PSME4: variants seen among roughly 807,000 people sequenced by gnomAD.
PSME4 encodes the protein proteasome activator subunit 4.
Under a neutral mutation model 253.9 loss-of-function variants are expected in PSME4, and 89 were observed. The ratio of observed to expected loss-of-function variants is 0.35; its 90% CI spans 0.30 to 0.42. The LOEUF is 0.42. PSME4 is among the 10% of genes least tolerant of loss of function. PSME4 has a pLI of 1.00. For synonymous variants in PSME4, 851 were observed against 759.2 expected (o/e 1.12, Z -1.99); for missense variants, 2,014 against 2,195.2 (o/e 0.92, Z 1.65).
At chr2:53,905,171 A>G (rs1680597987) in intron 26 of PSME4, among the ~76,000 whole-genome samples, 1 of 150,918 alleles carries the variant, frequency 6.6e-6, no homozygotes, top group Non-Finnish European at 1.5e-5. Context: ...CTGGGACTAT[A>G]GGCGCATGCC....
chr2:53,964,888 T>G (rs920064309), intron 1 of PSME4, among the ~76,000 whole-genome samples: 1 of 152,232 alleles, frequency 6.6e-6, no homozygotes, highest in African/African-American at 2.4e-5. Flanking sequence ...TGCATAATAT[T>G]TGTAATAATA....
chr2:53,942,862 G>C (rs530628116), intron 3 of PSME4, among the ~76,000 whole-genome samples: 1 of 152,148 alleles, frequency 6.6e-6, no homozygotes, highest in African/African-American at 2.4e-5. Context: ...AGGGTAAAAA[G>C]AGAGTTCTTG....
chr2:53,873,023 G>T (rs805388), intron 43 of PSME4, among the ~76,000 whole-genome samples: 43,656 of 151,534 alleles, frequency 0.29, 6,667 homozygotes, highest in South Asian at 0.46. Flanking sequence ...GGCAGATCAC[G>T]AGGTCAGGAG....
At chr2:53,903,835 C>T (rs549668855) in intron 27 of PSME4, among the ~76,000 whole-genome samples, 190 bp downstream of exon 27, 16 of 151,614 alleles carry the variant, frequency 1.1e-4, no homozygotes, top group Non-Finnish European at 1.9e-4. Flanking sequence ...AAAGGTGAAT[C>T]GTGCTGATAT....
chr2:53,946,876 T>C (rs1337566224), intron 3 of PSME4, among the ~76,000 whole-genome samples: 1 of 151,378 alleles, frequency 6.6e-6, no homozygotes, highest in Non-Finnish European at 1.5e-5. Flanking sequence ...ATCTTGCCAC[T>C]GCACTCCAGC....
chr2:53,870,438 G>A lies in PSME4; in HGVS notation c.5101-900C>T, dbSNP rs1678816739. On this transcript the variant is annotated intron_variant, in intron 43 of 46. Transcript: ENST00000404125. Reference sequence around the variant, plus strand: ...ACCCAGGCTGGAGTGCAGTGGCGCAGTCTCGGCTCACTGCAAGCTTTGCCT... The same window carrying A: ...ACCCAGGCTGGAGTGCAGTGGCGCAATCTCGGCTCACTGCAAGCTTTGCCT... 8 of 145,694 alleles carry A rather than the reference G, an allele frequency of 5.5e-5. No individual in the cohort carries two copies. In the South Asian group the frequency reaches 1.5e-3, roughly 28 times the overall value. 9.0% of individuals were successfully genotyped at this position (145,694 alleles called of 1,614,324 possible). A position where few individuals can be genotyped will look rare whatever the true frequency, so the allele number is the denominator to read the frequency against.
chr2:53,888,083 C>A (rs530183098), intron 38 of PSME4, 94 bp from the exon 39 acceptor site: 72 of 1,323,974 alleles, frequency 5.4e-5, no homozygotes, highest in Non-Finnish European at 6.4e-5. Context: ...TCACTTAAAG[C>A]TTTTTCGTTT....
Position 53,901,365 on chromosome 2 carries a change from A to G in PSME4, c.3270T>C (p.Ile1090=), listed in dbSNP as rs1680390894. ...TATTGCTTACTGTGAAGTCCAAGCC[A>G]ATTGTTTCATACTGCCTATGAATCT... is the stretch of plus-strand genomic sequence containing the variant. ...AEKIHRQYET[I]GLDFTIPKSC... The change falls in exon 28 of 47, where the codon ATT becomes ATC. Residue 1090 remains isoleucine, a synonymous_variant. Transcript: ENST00000404125. 2 of 1,613,322 alleles carry G rather than the reference A, an allele frequency of 1.2e-6. No homozygotes were observed. The highest frequency in any genetic ancestry group is 2.7e-5 in the African/African-American group (2 of 75,046).
chr2:53,932,850 A>G lies in PSME4; in HGVS notation c.958-90T>C, dbSNP rs550024315. ...GCCCAAGCCTATACGTAAATCACTA[A>G]TACAGTTTATAGTCAACTTGCTGAC... On this transcript the variant is annotated intron_variant, in intron 8 of 46. Transcript: ENST00000404125. 18 of 919,672 alleles carry G rather than the reference A, an allele frequency of 2.0e-5. No individual in the cohort carries two copies. In the East Asian group the frequency reaches 4.1e-4, roughly 21 times the overall value. 57.0% of individuals were successfully genotyped at this position (919,672 alleles called of 1,614,324 possible).
intron 14 of PSME4, among the ~76,000 whole-genome samples, chr2:53,923,774 T>G (rs1325862601): frequency 1.3e-5 from 2 of 151,868 alleles, no homozygotes; most frequent in Non-Finnish European, 2.9e-5. Flanking sequence ...AATGCAAAAA[T>G]TGACCAGGCA....
chr2:53,968,738 T>G (rs929159531), intron 1 of PSME4, among the ~76,000 whole-genome samples: 12 of 152,242 alleles, frequency 7.9e-5, no homozygotes, highest in African/African-American at 2.9e-4. Context: ...ATCAGCTATC[T>G]GCAATCCAGC....
At position 53,906,836 on chromosome 2, in the gene PSME4, C is replaced by G. The variant is rs755359421; in HGVS notation, c.2817G>C (p.Leu939=). 3 of 1,613,640 alleles carry G rather than the reference C, an allele frequency of 1.9e-6. No individual in the cohort carries two copies. Among genetic ancestry groups the G allele is most frequent in the Non-Finnish European group, 2.5e-6 (3 of 1,179,802 alleles). ...LHGKKQHIRA[L]LIDRVMLQHE... is the part of the protein sequence containing the mutation. The stretch of plus-strand genomic sequence containing the variant: ...GCTGTAACATTACTCTATCAATCAA[C>G]AGTGCTCTGATATGTTGTTTTTTCC... The change falls in exon 25 of 47, where the codon CTG becomes CTC. Residue 939 remains leucine (L), a synonymous_variant. Coordinates refer to ENST00000404125, the MANE Select transcript of PSME4 (RefSeq NM_014614.3).
rs1290190574 is a variant in PSME4 at position 53,901,526 on chromosome 2, C to A, written c.3109G>T (p.Gly1037Cys). The change falls in exon 28 of 47, where the codon GGT becomes TGT. Residue 1037 changes from glycine to cysteine, a missense_variant. Physicochemically the swap from Gly to Cys is radical, Grantham distance 159. This residue lies in a region of PSME4 where 989 missense variants were observed against 1,021.1 expected (regional missense o/e 0.97). Transcript: ENST00000404125. ...ALYCLLGNHS[G>C]VCLANLHDWD... ...TCATGAAGGTTTGCCAAGCACACAC[C>A]ACTGTGATTTCCAAGGAGACAGTAC... 1 of 1,612,878 alleles carries A rather than the reference C, an allele frequency of 6.2e-7. No individual in the cohort carries two copies. The highest frequency in any genetic ancestry group is 1.3e-5 in the African/African-American group (1 of 74,850).
intron 1 of PSME4, among the ~76,000 whole-genome samples, chr2:53,960,894 G>C (rs868241497): frequency 6.6e-6 from 1 of 152,040 alleles, no homozygotes; most frequent in Non-Finnish European, 1.5e-5. Flanking sequence ...GATCACGTGA[G>C]GTGAGGAGTT....
chr2:53,970,781 C>G lies in PSME4; in HGVS notation c.4G>C (p.Glu2Gln). The change falls in exon 1 of 47, where the codon GAG becomes CAG. Residue 2 changes from glutamate to glutamine, a missense_variant. This residue lies in a region of PSME4 where 615 missense variants were observed against 594.4 expected (regional missense o/e 1.03). Transcript: ENST00000404125. MEPAERAGVGEP... is the reference protein window; with the variant it reads MQPAERAGVGEP... ...CCGACTCCCGCCCGCTCGGCCGGCT[C>G]CATGAGCCCAGGGACACCCCCCCCA... is the stretch of plus-strand genomic sequence containing the variant. 3.9e-6 allele frequency: 6 copies of G among 1,540,958 alleles called. No individual in the cohort carries two copies. The highest frequency in any genetic ancestry group is 4.4e-6 in the Non-Finnish European group (5 of 1,143,998).
intron 3 of PSME4, among the ~76,000 whole-genome samples, chr2:53,943,869 G>T (rs1254913821): frequency 2.1e-5 from 3 of 142,994 alleles, no homozygotes; most frequent in African/African-American, 7.7e-5. Flanking sequence ...AAAAAAAAAG[G>T]TATAAATAAT....
In PSME4 at chr2:53,898,352, T is replaced by C. The variant is rs1680236368; in HGVS notation, c.3425A>G (p.Asn1142Ser). The stretch of plus-strand genomic sequence containing the variant: ...CAAGGTGTCTACCAAATTTTCATAG[T>C]TCCTTTAAAAAAAAGGTGAGGTATT... ...QQEKNADALR[N>S]YENLVDTLLD... is the part of the protein sequence containing the mutation. The change falls in exon 30 of 47, where the codon AAC becomes AGC. Residue 1142 changes from asparagine to serine, a missense_variant and splice_region_variant. Transcript: ENST00000404125. 4 of 1,598,134 alleles carry C rather than the reference T, an allele frequency of 2.5e-6. No individual in the cohort carries two copies. In the South Asian group the frequency reaches 4.6e-5, roughly 18 times the overall value.
intron 20 of PSME4, among the ~76,000 whole-genome samples, chr2:53,916,810 T>A (rs1034153677): frequency 3.3e-5 from 5 of 152,094 alleles, no homozygotes; most frequent in African/African-American, 1.2e-4. Context: ...CAAAATAAAG[T>A]TTCAGCTGAA....
At chr2:53,875,814 C>A in intron 41 of PSME4, 59 bp from the exon 42 acceptor site, 1 of 1,493,474 alleles carries the variant, frequency 6.7e-7, no homozygotes, top group Non-Finnish European at 9.2e-7. Context: ...AGTACAAAGG[C>A]ATCCTACATG....
Sources: gnomAD v4.1 joint callset for allele counts (sites outside exome capture counted in the v4.1 genomes callset) on GRCh38, gnomAD v4.1.1 for gene constraint, gnomAD v4.1.1 regional missense constraint, MANE v1.5 for transcripts, NCBI Gene and HGNC (gene_info 2026-07-23, HGNC 2026-07-21) for gene names.